LDLRAD3: variants seen among roughly 807,000 people sequenced by gnomAD.
LDLRAD3 encodes the protein low density lipoprotein receptor class A domain containing 3.
A neutral mutation model predicts 29.4 loss-of-function variants in LDLRAD3; 20 were observed. That is an observed-to-expected ratio of 0.68 (90% CI 0.48 to 0.99). The LOEUF is 0.99. Ranked by LOEUF, LDLRAD3 falls within the 50% of genes least tolerant of loss-of-function variation. The pLI is 0.00. For missense variants in LDLRAD3, 420 were observed against 454.3 expected, an observed-to-expected ratio of 0.92 and a Z score of 0.69; for synonymous variants, 157 against 192.7, an observed-to-expected ratio of 0.81 and a Z score of 1.53.
intron 2 of LDLRAD3, among the ~76,000 whole-genome samples, chr11:36,066,655 C>T (rs1194107573): frequency 7.2e-5 from 11 of 151,974 alleles, no homozygotes; most frequent in African/African-American, 1.2e-4. Flanking sequence ...TTTTTTTCCT[C>T]GTCATTCTTC....
At chr11:36,058,840 G>GTCACCT in intron 2 of LDLRAD3, among the ~76,000 whole-genome samples, 1 of 152,360 alleles carries the variant, frequency 6.6e-6, no homozygotes, top group East Asian at 1.9e-4. Flanking sequence ...GTATAGGACA[G>GTCACCT]TCACCTCAAC....
Position 36,229,241 on chromosome 11 carries a change from C to G in LDLRAD3, c.882C>G (p.Arg294=), listed in dbSNP as rs1310657510. Residue 294 remains arginine (R), a synonymous_variant, in exon 6 of 6, where the codon CGC becomes CGG. Transcript: ENST00000315571. The part of the protein sequence containing the change: ...SLNQADLPPY[R]SRSGSANSAS... ...ACCAAGCCGACCTGCCCCCCTACCG[C>G]TCCCGGTCCGGGAGTGCCAACAGTG... The G allele has an allele frequency of 1.2e-6, 2 of 1,614,162 alleles. No homozygotes were observed. The highest frequency in any genetic ancestry group is 8.5e-7 in the Non-Finnish European group (1 of 1,180,032).
At chr11:36,082,774 T>C (rs550980451) in intron 3 of LDLRAD3, among the ~76,000 whole-genome samples, 50 of 152,288 alleles carry the variant, frequency 3.3e-4, no homozygotes, top group South Asian at 2.9e-3. Flanking sequence ...CCTTTTAGCA[T>C]CCTGCTGTCC....
chr11:36,165,968 CCCTCCCTCCCTTCCTT>C (rs1854508777), intron 4 of LDLRAD3, among the ~76,000 whole-genome samples: 3 of 113,490 alleles, frequency 2.6e-5, no homozygotes, highest in South Asian at 3.2e-4. Flanking sequence ...CTCCCTCCCT[CCCTCCCTCCCTTCCTT>C]CCTTCCTTCC....
At chr11:36,169,430 C>G (rs1051358712) in intron 4 of LDLRAD3, among the ~76,000 whole-genome samples, 1 of 152,160 alleles carries the variant, frequency 6.6e-6, no homozygotes, top group Admixed American at 6.5e-5. Flanking sequence ...ACCAAACTGT[C>G]TTTATCCCAG....
intron 1 of LDLRAD3, among the ~76,000 whole-genome samples, chr11:35,978,511 C>G (rs563476181): frequency 1.3e-5 from 2 of 152,316 alleles, no homozygotes; most frequent in South Asian, 4.1e-4. Flanking sequence ...TCAAGATGGG[C>G]TGTTCCTCAC....
intron 3 of LDLRAD3, among the ~76,000 whole-genome samples, chr11:36,097,238 G>A (rs181264967): frequency 5.3e-5 from 8 of 152,314 alleles, no homozygotes; most frequent in East Asian, 3.9e-4. Flanking sequence ...AGAAGAAATC[G>A]AGGCTACTAA....
intron 4 of LDLRAD3, among the ~76,000 whole-genome samples, chr11:36,145,185 G>A (rs1205486634): frequency 2.6e-5 from 3 of 113,712 alleles, no homozygotes; most frequent in Non-Finnish European, 5.4e-5. Context: ...CCGGCCAGCT[G>A]CCCCGTCCGG....
At chr11:36,055,311 G>T (rs1852602376) in intron 2 of LDLRAD3, among the ~76,000 whole-genome samples, 1 of 151,092 alleles carries the variant, frequency 6.6e-6, no homozygotes, top group African/African-American at 2.4e-5. Context: ...TTTTGATTTG[G>T]GTCCCAAGGG....
intron 1 of LDLRAD3, among the ~76,000 whole-genome samples, chr11:36,022,611 C>T (rs1852112023): frequency 6.6e-6 from 1 of 152,120 alleles, no homozygotes; most frequent in African/African-American, 2.4e-5. Context: ...AACTGAGGCA[C>T]AGGGTGGGTA....
chr11:36,170,722 A>T (rs1854586210), intron 4 of LDLRAD3, among the ~76,000 whole-genome samples: 1 of 151,640 alleles, frequency 6.6e-6, no homozygotes, highest in Non-Finnish European at 1.5e-5. Flanking sequence ...GTGGAATCAC[A>T]TTGTGGTTTT....
chr11:36,039,493 TC>T (rs1369798830), intron 2 of LDLRAD3, among the ~76,000 whole-genome samples: 1 of 152,202 alleles, frequency 6.6e-6, no homozygotes, highest in African/African-American at 2.4e-5. Context: ...TAATAAGGCT[TC>T]TGATACTTAA....
intron 4 of LDLRAD3, among the ~76,000 whole-genome samples, chr11:36,144,496 C>A (rs1854140597): frequency 6.6e-6 from 1 of 151,454 alleles, no homozygotes; most frequent in African/African-American, 2.4e-5. Flanking sequence ...GCGTCTCTGC[C>A]TGGCCGCCCA....
intron 4 of LDLRAD3, among the ~76,000 whole-genome samples, chr11:36,181,284 T>C (rs1219475183): frequency 6.6e-6 from 1 of 152,070 alleles, no homozygotes; most frequent in African/African-American, 2.4e-5. Context: ...AAAATAAGCC[T>C]TCCTCACTAC....
rs191610448 is a variant in LDLRAD3, at chr11:36,209,081, A to G, written c.455-18004A>G. Among the ~76,000 whole-genome samples the G allele has an allele frequency of 4.7e-4, 72 of 152,364 alleles. 1 individual carries two copies. The East Asian group carries it at 0.012, about 24-fold the overall frequency. On this transcript the variant is annotated intron_variant, in intron 4 of 5. Coordinates refer to ENST00000315571, the MANE Select transcript of LDLRAD3 (RefSeq NM_174902.4). ...TATATATTCTCACAATTGTGAAACT[A>G]CATCAGAAAAACCCAAATTGAGGGA... is the stretch of plus-strand genomic sequence containing the variant.
Position 36,036,175 on chromosome 11 carries a change from G to A in LDLRAD3, c.119G>A (p.Gly40Glu). The stretch of plus-strand genomic sequence containing the variant: ...CCAGGCAACTTCATGTGCAGCAATG[G>A]ACGGTGCATCCCGGGCGCCTGGCAG... ...NIPGNFMCSN[G>E]RCIPGAWQCD... The change falls in exon 2 of 6, where the codon GGA (glycine) becomes GAA (glutamate). Residue 40 changes from glycine to glutamate, a missense_variant. Around this residue, in one of 3 missense-constraint regions of LDLRAD3, gnomAD observed 224 missense variants for 222.2 expected, o/e 1.01. Coordinates refer to ENST00000315571, the MANE Select transcript of LDLRAD3 (RefSeq NM_174902.4). 1 of 1,614,198 alleles carries A rather than the reference G, an allele frequency of 6.2e-7. No individual in the cohort carries two copies. Among genetic ancestry groups the A allele is most frequent in the Non-Finnish European group, 8.5e-7 (1 of 1,180,032 alleles).
At chr11:35,961,743 T>A (rs1851280450) in intron 1 of LDLRAD3, among the ~76,000 whole-genome samples, 1 of 152,176 alleles carries the variant, frequency 6.6e-6, no homozygotes, top group Non-Finnish European at 1.5e-5. Context: ...AATATTAAAA[T>A]TTTTTTAAAA....
intron 1 of LDLRAD3, among the ~76,000 whole-genome samples, chr11:35,988,207 G>A (rs752684960): frequency 3.3e-5 from 5 of 152,146 alleles, no homozygotes; most frequent in Non-Finnish European, 4.4e-5. Flanking sequence ...ACAGGCATGC[G>A]CCACTATGCC....
intron 4 of LDLRAD3, among the ~76,000 whole-genome samples, chr11:36,147,897 G>C (rs1043972103): frequency 6.6e-6 from 1 of 151,976 alleles, no homozygotes; most frequent in Non-Finnish European, 1.5e-5. Flanking sequence ...TTGAGACAGA[G>C]TTTCACTGTG....
Sources: allele counts gnomAD v4.1 joint callset (sites outside exome capture counted in the v4.1 genomes callset), GRCh38; gene constraint gnomAD v4.1.1; regional missense constraint gnomAD v4.1.1; transcripts MANE v1.5; gene names NCBI Gene and HGNC (gene_info 2026-07-23, HGNC 2026-07-21).